Variants in RUSC1 observed in about 807,000 individuals in gnomAD.
The protein encoded by RUSC1 is AP-4 complex accessory subunit RUSC1.
RUSC1 carries 40 observed loss-of-function variants against 72.1 expected under a neutral mutation model. That is an observed-to-expected ratio of 0.55 (90% CI 0.43 to 0.72). The LOEUF (loss-of-function observed/expected upper bound fraction) is 0.72, where lower values mean the gene tolerates loss of function less well. RUSC1 is among the 30% of genes least tolerant of loss of function. RUSC1 has a pLI of 0.00. For synonymous variants in RUSC1, 512 were observed against 494.2 expected (o/e 1.04, Z -0.48); for missense variants, 1,092 against 1,172.3 (o/e 0.93, Z 1.00).
intron 2 of RUSC1, 97 bp from the exon 3 acceptor site, chr1:155,324,748 A>G: frequency 1.2e-6 from 2 of 1,600,136 alleles, no homozygotes; most frequent in Non-Finnish European, 1.7e-6. Context: ...TCGGGGACAC[A>G]GCACTGCAGA....
In RUSC1 at chr1:155,325,247, G is replaced by A. The variant is rs1651216331; in HGVS notation, c.1533+69G>A. 6.2e-7 allele frequency: 1 copy of A among 1,611,584 alleles called. No homozygotes were observed. ...GGAGCTCCGCGGGGGGTGCGGGAAT[G>A]GTTGGCGGGAGGTGGCTGGGAGGTG... On this transcript the variant is annotated intron_variant, in intron 4 of 9. Coordinates refer to ENST00000368352, the MANE Select transcript of RUSC1 (RefSeq NM_001105203.2). This position sits in a 1 kb window ranked among gnomAD's most constrained non-coding sequence, Gnocchi z 6.5.
rs988462887 is a variant in RUSC1 at position 155,321,693 on chromosome 1, C to T, written c.-81C>T. On this transcript the variant is annotated 5_prime_UTR_variant, in exon 2 of 10. Coordinates refer to ENST00000368352, the MANE Select transcript of RUSC1 (RefSeq NM_001105203.2). The stretch of plus-strand genomic sequence containing the variant: ...TCACCACCTCTGTCTTCTAGGTCTG[C>T]ACCTGTGGTTGCCAGGTAGGTGGAT... 6.5e-7 allele frequency: 1 copy of T among 1,547,352 alleles called. No individual in the cohort carries two copies. Among genetic ancestry groups the T allele is most frequent in the Non-Finnish European group, 8.9e-7 (1 of 1,127,964 alleles).
At chr1:155,323,271 G>C in intron 2 of RUSC1, 141 bp downstream of exon 2, 1 of 961,842 alleles carries the variant, frequency 1.0e-6, no homozygotes, top group Admixed American at 3.7e-5. Context: ...CTCCGGGAAA[G>C]GGAAACTGGG....
intron 8 of RUSC1, 110 bp from the exon 9 acceptor site, chr1:155,328,040 C>CCT: frequency 2.9e-6 from 4 of 1,400,348 alleles, no homozygotes; most frequent in Non-Finnish European, 3.9e-6. Flanking sequence ...TAACCCCTGA[C>CCT]CTCTTTTGAA....
At chr1:155,323,824 CCGGGCTAGCCCCGCGGGCCACGCCT>C in intron 2 of RUSC1, 15 of 755,538 alleles carry the variant, frequency 2.0e-5, no homozygotes, top group Non-Finnish European at 2.4e-5. Flanking sequence ...TAAGACGGAC[CCGGGCTAGCCCCGCGGGCCACGCCT>C]CAGGCGGGCC....
chr1:155,326,187 C>G lies in RUSC1; in HGVS notation c.1861+277C>G. The G allele has an allele frequency of 1.7e-6, 1 of 573,764 alleles. No individual in the cohort carries two copies. Among genetic ancestry groups the G allele is most frequent in the Non-Finnish European group, 3.1e-6 (1 of 321,862 alleles). 35.5% of individuals were successfully genotyped at this position (573,764 alleles called of 1,614,324 possible). A position where few individuals can be genotyped will look rare whatever the true frequency, so the allele number is the denominator to read the frequency against. The stretch of plus-strand genomic sequence containing the variant: ...TTCCTGCTCCAGGGCCCTGCTTATG[C>G]TGTTCCTCTACCTTCTGCCCCTCCT... On this transcript the variant is annotated intron_variant, in intron 7 of 9. Transcript: ENST00000368352. The surrounding 1 kb of genome is among the most constrained non-coding windows in gnomAD (Gnocchi z 4.7).
rs1435779004 is a variant in RUSC1 at position 155,325,045 on chromosome 1, G to T, written c.1457-57G>T. ...GAAGGCAGTCTCTCCACGCCCCTCG[G>T]GCAAGCCTGGGTAGGGGCGCGGCCT... is the stretch of plus-strand genomic sequence containing the variant. On this transcript the variant is annotated intron_variant, in intron 3 of 9. Coordinates refer to ENST00000368352, the MANE Select transcript of RUSC1 (RefSeq NM_001105203.2). The surrounding 1 kb of genome is among the most constrained non-coding windows in gnomAD (Gnocchi z 6.5). 6.2e-7 allele frequency: 1 copy of T among 1,613,962 alleles called. No individual in the cohort carries two copies. The highest frequency in any genetic ancestry group is 1.3e-5 in the African/African-American group (1 of 74,918).
chr1:155,322,466 T>A lies in RUSC1; in HGVS notation c.693T>A (p.Ile231=). 2 of 1,613,716 alleles carry A rather than the reference T, an allele frequency of 1.2e-6. No individual in the cohort carries two copies. The highest frequency in any genetic ancestry group is 8.5e-7 in the Non-Finnish European group (1 of 1,179,774). ...GGAAAACGGAGCCCAGTTGGAAGAT[T>A]AACCCAATTTGGAAAATTGACACAG... is the stretch of plus-strand genomic sequence containing the variant. The part of the protein sequence containing the change: ...DAGKTEPSWK[I]NPIWKIDTEK... Residue 231 remains isoleucine, a synonymous_variant, in exon 2 of 10, where the codon ATT becomes ATA. Coordinates refer to ENST00000368352, the MANE Select transcript of RUSC1 (RefSeq NM_001105203.2).
Position 155,325,847 on chromosome 1 carries a change from C to T in RUSC1, c.1815-17C>T, listed in dbSNP as rs755054658. ...CCTCCACCTCCCTGAACTTCCATTC[C>T]CTCTTTTCTCCCCTAGCACCAAGCA... is the stretch of plus-strand genomic sequence containing the variant. On this transcript the variant is annotated splice_polypyrimidine_tract_variant and intron_variant, in intron 6 of 9. Transcript: ENST00000368352. The surrounding 1 kb of genome is among the most constrained non-coding windows in gnomAD (Gnocchi z 6.5). The T allele has an allele frequency of 3.1e-6, 5 of 1,614,054 alleles. No homozygotes were observed. In the Admixed American group the frequency reaches 8.3e-5, roughly 27 times the overall value.
rs1651415176 is a variant in RUSC1 at position 155,326,422 on chromosome 1, G to A, written c.1862-158G>A. ...TTGGGCTAGGTTCCATGCAGGCGGGGATGTCAGTCCTATAGCCCACCACAT... is the reference window on the plus strand; with the variant it reads ...TTGGGCTAGGTTCCATGCAGGCGGGAATGTCAGTCCTATAGCCCACCACAT... On this transcript the variant is annotated intron_variant, in intron 7 of 9. Coordinates refer to ENST00000368352, the MANE Select transcript of RUSC1 (RefSeq NM_001105203.2). The surrounding 1 kb of genome is among the most constrained non-coding windows in gnomAD (Gnocchi z 4.7). 9.9e-6 allele frequency: 7 copies of A among 707,388 alleles called. No homozygotes were observed. The Admixed American group carries it at 1.2e-4, about 12-fold the overall frequency. The allele number at this position is 707,388 out of a possible 1,614,324, so 43.8% of individuals were successfully genotyped here. A position where few individuals can be genotyped will look rare whatever the true frequency, so the allele number is the denominator to read the frequency against.
chr1:155,322,154 T>C lies in RUSC1; in HGVS notation c.381T>C (p.Pro127=). ...SPVSVYLRDL[P]GDEDAHPQPS... is the part of the protein sequence containing the mutation. ...TCTCAGTCTACTTGCGGGACCTCCC[T>C]GGTGATGAGGATGCCCACCCTCAGC... is the stretch of plus-strand genomic sequence containing the variant. The change falls in exon 2 of 10, where the codon CCT becomes CCC. Residue 127 remains proline (P), a synonymous_variant. Transcript: ENST00000368352. The C allele has an allele frequency of 6.2e-7, 1 of 1,601,776 alleles. No individual in the cohort carries two copies. Among genetic ancestry groups the C allele is most frequent in the African/African-American group, 1.3e-5 (1 of 74,834 alleles).
At chr1:155,323,202 C>T in intron 2 of RUSC1, 72 bp downstream of exon 2, 1 of 1,363,002 alleles carries the variant, frequency 7.3e-7, no homozygotes, top group East Asian at 2.8e-5. Flanking sequence ...CCAACCCGGC[C>T]CCCTGTCTTC....
intron 9 of RUSC1, among the ~76,000 whole-genome samples, chr1:155,329,784 G>A (rs1208245774): frequency 1.3e-5 from 2 of 151,440 alleles, no homozygotes; most frequent in African/African-American, 4.8e-5. Flanking sequence ...GTGAAACCCC[G>A]TCTCTACTAA....
Position 155,321,114 on chromosome 1 carries a change from A to G in RUSC1, c.-87+123A>G, listed in dbSNP as rs772538731. The G allele has an allele frequency of 4.3e-6, 6 of 1,384,422 alleles. No homozygotes were observed. In the South Asian group the frequency reaches 6.8e-5, roughly 16 times the overall value. The allele number at this position is 1,384,422 out of a possible 1,614,324, so 85.8% of individuals were successfully genotyped here. A position where few individuals can be genotyped will look rare whatever the true frequency, so the allele number is the denominator to read the frequency against. On this transcript the variant is annotated intron_variant, in intron 1 of 9. Transcript: ENST00000368352. Reference sequence around the variant, plus strand: ...GGTGGTGGCTGAACGATGGAGACGAATGCGGAGAGAATGGACATACCGCTG... The same window carrying G: ...GGTGGTGGCTGAACGATGGAGACGAGTGCGGAGAGAATGGACATACCGCTG...
rs904805125 is a variant in RUSC1 at position 155,323,150 on chromosome 1, G to C, written c.1357+20G>C. ...TGGAGGGTAAGAGGTCGCAAGAAGC[G>C]GGAGGAGGGCTGGGCTTCGGCCGCT... On this transcript the variant is annotated intron_variant, in intron 2 of 9. Transcript: ENST00000368352. The C allele has an allele frequency of 2.1e-6, 3 of 1,401,814 alleles. No homozygotes were observed. In the African/African-American group the frequency reaches 4.5e-5, roughly 21 times the overall value. The allele number at this position is 1,401,814 out of a possible 1,614,324, so 86.8% of individuals were successfully genotyped here.
rs755356950 is a variant in RUSC1, at chr1:155,322,553, G to A, written c.780G>A (p.Gly260=). The part of the protein sequence containing the change: ...ENNNTGWKNN[G]NVNSSWKSEP... ...ATAACACTGGTTGGAAAAACAACGG[G>A]AATGTTAACTCTAGCTGGAAAAGTG... Residue 260 remains glycine, a synonymous_variant, in exon 2 of 10, where the codon GGG becomes GGA. Coordinates refer to ENST00000368352, the MANE Select transcript of RUSC1 (RefSeq NM_001105203.2). The A allele has an allele frequency of 6.2e-7, 1 of 1,614,212 alleles. No individual in the cohort carries two copies. Among genetic ancestry groups the A allele is most frequent in the Middle Eastern group, 1.6e-4 (1 of 6,062 alleles).
intron 2 of RUSC1, 82 bp downstream of exon 2, chr1:155,323,212 CCCT>C: frequency 7.4e-7 from 1 of 1,352,774 alleles, no homozygotes; most frequent in East Asian, 2.9e-5. Flanking sequence ...CCCCTGTCTT[CCCT>C]CCATTCTGTG....
Position 155,328,144 on chromosome 1 carries a change from T to G in RUSC1, c.2415-6T>G, listed in dbSNP as rs373903471. 5 of 1,611,956 alleles carry G rather than the reference T, an allele frequency of 3.1e-6. No homozygotes were observed. The African/African-American group carries it at 5.3e-5, about 17-fold the overall frequency. ...TTGAGCTGTGACCCTATGTCCCTTC[T>G]TTTAGGAGACCATCTAGCTGGCTGC... is the stretch of plus-strand genomic sequence containing the variant. On this transcript the variant is annotated splice_polypyrimidine_tract_variant and splice_region_variant and intron_variant, in intron 8 of 9. Transcript: ENST00000368352.
At chr1:155,324,765 G>A (rs1557994191) in intron 2 of RUSC1, 80 bp from the exon 3 acceptor site, 6 of 1,608,090 alleles carry the variant, frequency 3.7e-6, no homozygotes, top group Non-Finnish European at 5.1e-6. Context: ...CAGACCCGCC[G>A]GAGACAACTT....
Sources: allele counts gnomAD v4.1 joint callset (sites outside exome capture counted in the v4.1 genomes callset), GRCh38; gene constraint gnomAD v4.1.1; non-coding constraint Gnocchi (gnomAD v3.1); transcripts MANE v1.5; gene names NCBI Gene and HGNC (gene_info 2026-07-23, HGNC 2026-07-21).